Variants in CDH18 observed in about 807,000 individuals in gnomAD.
CDH18 encodes cadherin 18, also known as cadherin-18.
CDH18 carries 31 observed loss-of-function variants against 67.9 expected under a neutral mutation model. The observed-to-expected ratio is 0.46, with a 90% confidence interval of 0.34 to 0.62. The LOEUF is 0.62. CDH18 is among the 20% of genes least tolerant of loss of function. CDH18 has a pLI of 0.01. For synonymous variants in CDH18, 362 were observed against 347.2 expected (o/e 1.04, Z -0.48); for missense variants, 890 against 975.5 (o/e 0.91, Z 1.17).
chr5:20,055,075 AT>A lies in CDH18; in HGVS notation c.-517-63062del, dbSNP rs143910007. 0.022 allele frequency among the ~76,000 whole-genome samples: 3,344 copies of A among 151,392 alleles called. 217 individuals carry two copies. The East Asian group carries it at 0.27, about 12-fold the overall frequency. On this transcript the variant is annotated intron_variant, in intron 2 of 14. Transcript: ENST00000507958. Reference sequence around the variant, plus strand: ...AAGACAACCAACACAGTAAGTAGTCATTTTTTTTTCCTTATTCTGTTTTCTT... The same window carrying A: ...AAGACAACCAACACAGTAAGTAGTCATTTTTTTTCCTTATTCTGTTTTCTT...
At chr5:19,938,312 T>C (rs1459049570) in intron 2 of CDH18, among the ~76,000 whole-genome samples, 6 of 151,380 alleles carry the variant, frequency 4.0e-5, no homozygotes, top group Admixed American at 4.0e-4. Context: ...TCATATCCTT[T>C]AGACTTCAGA....
intron 1 of CDH18, among the ~76,000 whole-genome samples, chr5:20,525,853 A>G (rs1378214141): frequency 6.6e-6 from 1 of 152,052 alleles, no homozygotes; most frequent in East Asian, 1.9e-4. Flanking sequence ...ACCTTAATTG[A>G]TTCACTCATC....
chr5:20,497,771 A>G (rs1196427971), intron 1 of CDH18, among the ~76,000 whole-genome samples: 1 of 152,126 alleles, frequency 6.6e-6, no homozygotes. Context: ...TCAAAAAGAG[A>G]GTTCGTTTAT....
At chr5:20,520,150 A>T (rs1482249584) in intron 1 of CDH18, among the ~76,000 whole-genome samples, 4 of 151,342 alleles carry the variant, frequency 2.6e-5, no homozygotes, top group Non-Finnish European at 2.9e-5. Context: ...GGTGTCTAAG[A>T]GCTCCCACTG....
At chr5:20,192,033 T>A (rs1020582424) in intron 2 of CDH18, among the ~76,000 whole-genome samples, 1 of 152,088 alleles carries the variant, frequency 6.6e-6, no homozygotes, top group African/African-American at 2.4e-5. Context: ...GTTTCCTGAC[T>A]TTTTAATAAT....
At chr5:20,526,269 G>A (rs1356437274) in intron 1 of CDH18, among the ~76,000 whole-genome samples, 1 of 152,086 alleles carries the variant, frequency 6.6e-6, no homozygotes, top group Non-Finnish European at 1.5e-5. Flanking sequence ...CATTTCCCTG[G>A]GACCGAGCAC....
At chr5:20,073,813 G>C (rs1041414147) in intron 2 of CDH18, among the ~76,000 whole-genome samples, 1 of 152,034 alleles carries the variant, frequency 6.6e-6, no homozygotes, top group Non-Finnish European at 1.5e-5. Flanking sequence ...TAATAGTATA[G>C]ATAAACTCAG....
intron 1 of CDH18, among the ~76,000 whole-genome samples, chr5:20,327,196 G>C (rs1376530681): frequency 6.6e-6 from 1 of 152,170 alleles, no homozygotes; most frequent in Non-Finnish European, 1.5e-5. Flanking sequence ...CAAAGGGAAA[G>C]TTCAGCTTGG....
intron 5 of CDH18, among the ~76,000 whole-genome samples, chr5:19,696,615 T>C (rs575389168): frequency 1.5e-4 from 23 of 151,930 alleles, no homozygotes; most frequent in Non-Finnish European, 5.9e-5. Flanking sequence ...AGGATGGTCT[T>C]GATCTCCTGA....
At chr5:19,714,927 G>C (rs1466063073) in intron 5 of CDH18, among the ~76,000 whole-genome samples, 2 of 151,908 alleles carry the variant, frequency 1.3e-5, no homozygotes, top group East Asian at 3.9e-4. Flanking sequence ...GTTATAAAAA[G>C]ATAAATTGAC....
chr5:19,693,736 A>C (rs1232486460), intron 5 of CDH18, among the ~76,000 whole-genome samples: 1 of 152,010 alleles, frequency 6.6e-6, no homozygotes, highest in African/African-American at 2.4e-5. Context: ...GTCTCTACTA[A>C]AGATACAAAA....
At chr5:19,627,597 T>G (rs1198496519) in intron 5 of CDH18, among the ~76,000 whole-genome samples, 3 of 152,218 alleles carry the variant, frequency 2.0e-5, no homozygotes, top group Non-Finnish European at 4.4e-5. Flanking sequence ...GTAATATATA[T>G]TCTATAATTG....
intron 2 of CDH18, among the ~76,000 whole-genome samples, chr5:19,863,050 G>A (rs1785073018): frequency 1.3e-5 from 2 of 152,240 alleles, no homozygotes; most frequent in East Asian, 1.9e-4. Flanking sequence ...GGGTAAGCAG[G>A]AGAAACAGAT....
chr5:20,155,372 G>GA (rs1167616659), intron 2 of CDH18, among the ~76,000 whole-genome samples: 3 of 151,944 alleles, frequency 2.0e-5, no homozygotes, highest in Non-Finnish European at 2.9e-5. Flanking sequence ...TATTGCTATT[G>GA]AAAAATGTCT....
chr5:20,195,148 G>A (rs901493944), intron 2 of CDH18, among the ~76,000 whole-genome samples: 1 of 151,992 alleles, frequency 6.6e-6, no homozygotes, highest in Non-Finnish European at 1.5e-5. Context: ...AATTTTGTGT[G>A]TACCCAATTA....
At chr5:20,397,084 A>T (rs1469749379) in intron 1 of CDH18, among the ~76,000 whole-genome samples, 1 of 152,102 alleles carries the variant, frequency 6.6e-6, no homozygotes, top group Non-Finnish European at 1.5e-5. Context: ...TAACTAGAAG[A>T]ACATTTATTA....
chr5:20,090,525 ACT>A (rs1340909560), intron 2 of CDH18, among the ~76,000 whole-genome samples: 1 of 152,072 alleles, frequency 6.6e-6, no homozygotes, highest in Non-Finnish European at 1.5e-5. Context: ...ACAGAGCAAG[ACT>A]CTGTCTCAAA....
chr5:19,773,069 A>T lies in CDH18; in HGVS notation c.229-25833T>A, dbSNP rs187543485. Among the ~76,000 whole-genome samples, 802 of 152,260 alleles carry T rather than the reference A, an allele frequency of 5.3e-3. 4 individuals carry two copies. Among genetic ancestry groups the T allele is most frequent in the African/African-American group, 0.018 (765 of 41,558 alleles). ...ATGTTTCTGATATAATTTTATATAG[A>T]TATTACCTACATACATAATCATAGG... On this transcript the variant is annotated intron_variant, in intron 3 of 12. Coordinates refer to ENST00000382275, the MANE Select transcript of CDH18 (RefSeq NM_004934.5).
chr5:19,647,767 C>A (rs1449833689), intron 5 of CDH18, among the ~76,000 whole-genome samples: 5 of 152,074 alleles, frequency 3.3e-5, no homozygotes, highest in South Asian at 4.2e-4. Flanking sequence ...CGTTTGTATT[C>A]TCTTTTATTC....
Sources: allele counts gnomAD v4.1 joint callset (sites outside exome capture counted in the v4.1 genomes callset), GRCh38; gene constraint gnomAD v4.1.1; transcripts MANE v1.5; gene names NCBI Gene and HGNC (gene_info 2026-07-23, HGNC 2026-07-21).